The following THSD4 variants were observed in gnomAD, a reference collection of about 807,000 sequenced individuals.
The protein encoded by THSD4 is thrombospondin type-1 domain-containing protein 4.
In THSD4, 69 loss-of-function variants were observed where a neutral mutation model predicts 119.0. The observed-to-expected ratio is 0.58, with a 90% CI of 0.48 to 0.71. The LOEUF is 0.71. Ranked by LOEUF, THSD4 falls within the 30% of genes least tolerant of loss-of-function variation. The pLI is 0.00. For missense variants in THSD4, 1,393 were observed against 1,391.1 expected, an observed-to-expected ratio of 1.00 and a Z score of -0.02; for synonymous variants, 524 against 540.4, an observed-to-expected ratio of 0.97 and a Z score of 0.42.
chr15:71,421,041 A>G lies in THSD4; in HGVS notation c.1152+9218A>G, dbSNP rs576685523. Among the ~76,000 whole-genome samples the G allele has an allele frequency of 8.0e-5, 8 of 99,418 alleles. 2 individuals carry two copies. The highest frequency in any genetic ancestry group is 2.8e-4 in the African/African-American group (8 of 29,046). The allele number at this position is 99,418 out of a possible 152,430, so 65.2% of individuals were successfully genotyped here. Reference sequence around the variant, plus strand: ...AAATTACTTGGTTGTGGTGACATGCACCTATAATTCTAGCTACTCAGGCAT... The same window carrying G: ...AAATTACTTGGTTGTGGTGACATGCGCCTATAATTCTAGCTACTCAGGCAT... On this transcript the variant is annotated intron_variant, in intron 7 of 17. Transcript: ENST00000261862.
intron 4 of THSD4, among the ~76,000 whole-genome samples, chr15:71,227,861 C>T (rs983149671): frequency 6.6e-6 from 1 of 152,206 alleles, no homozygotes; most frequent in Admixed American, 6.5e-5. Flanking sequence ...ATAAAGTGCT[C>T]ACATCCCTCA....
At position 71,467,890 on chromosome 15, in the gene THSD4, C is replaced by T. The variant is rs576263543; in HGVS notation, c.1152+56067C>T. Among the ~76,000 whole-genome samples the T allele has an allele frequency of 3.0e-4, 45 of 150,286 alleles. 1 individual carries two copies. Among genetic ancestry groups the T allele is most frequent in the African/African-American group, 9.3e-4 (38 of 40,854 alleles). ...TTGAGACGGAGTTTTGCTCTTGTCG[C>T]CCAGCTGCAGTGCAGTGGCATGATC... is the stretch of plus-strand genomic sequence containing the variant. On this transcript the variant is annotated intron_variant, in intron 7 of 17. Coordinates refer to ENST00000261862, the MANE Select transcript of THSD4 (RefSeq NM_024817.3).
intron 6 of THSD4, among the ~76,000 whole-genome samples, chr15:71,328,338 G>A (rs556231325): frequency 6.6e-6 from 1 of 152,312 alleles, no homozygotes; most frequent in South Asian, 2.1e-4. Context: ...GCATAGCTTG[G>A]TGGGTGAAGA....
chr15:71,324,676 A>G (rs536649192), intron 6 of THSD4, among the ~76,000 whole-genome samples: 1 of 152,302 alleles, frequency 6.6e-6, no homozygotes, highest in Non-Finnish European at 1.5e-5. Flanking sequence ...TCCGTGGTGT[A>G]TATATACCAC....
intron 7 of THSD4, among the ~76,000 whole-genome samples, chr15:71,500,152 C>G (rs1326815908): frequency 6.6e-6 from 1 of 152,006 alleles, no homozygotes; most frequent in Non-Finnish European, 1.5e-5. Flanking sequence ...TTGTTATTAT[C>G]TATTTTTTTT....
chr15:71,344,294 C>A (rs956967384), intron 6 of THSD4, among the ~76,000 whole-genome samples: 1 of 151,842 alleles, frequency 6.6e-6, no homozygotes, highest in African/African-American at 2.4e-5. Flanking sequence ...CCACCCGCCT[C>A]GGCCCCCCAA....
chr15:71,363,439 G>C (rs565280245), intron 6 of THSD4, among the ~76,000 whole-genome samples: 9 of 152,130 alleles, frequency 5.9e-5, no homozygotes, highest in Non-Finnish European at 1.0e-4. Flanking sequence ...GTGTGTACGC[G>C]TGTGTGTGTT....
At chr15:71,101,089 T>C (rs1381568444) in intron 1 of THSD4, among the ~76,000 whole-genome samples, 2 of 152,144 alleles carry the variant, frequency 1.3e-5, no homozygotes, top group Non-Finnish European at 2.9e-5. Flanking sequence ...TTTATGTTTG[T>C]TTCTTCTGAT....
At chr15:71,714,933 A>G (rs765376279) in intron 8 of THSD4, among the ~76,000 whole-genome samples, 5 of 152,216 alleles carry the variant, frequency 3.3e-5, no homozygotes, top group Non-Finnish European at 2.9e-5. Context: ...TTAAATTGTT[A>G]CTGTGACAGA....
At chr15:71,230,702 G>C (rs766891201) in intron 4 of THSD4, among the ~76,000 whole-genome samples, 6 of 152,212 alleles carry the variant, frequency 3.9e-5, no homozygotes, top group Non-Finnish European at 5.9e-5. Flanking sequence ...CTCTGTCCCT[G>C]TTGGTCTCTT....
chr15:71,422,583 G>A (rs1440100222), intron 7 of THSD4, among the ~76,000 whole-genome samples: 1 of 152,160 alleles, frequency 6.6e-6, no homozygotes, highest in Non-Finnish European at 1.5e-5. Context: ...ATCAGGGAAG[G>A]GGTGACATGA....
At chr15:71,550,387 T>C (rs958975339) in intron 7 of THSD4, among the ~76,000 whole-genome samples, 2 of 152,198 alleles carry the variant, frequency 1.3e-5, no homozygotes, top group Non-Finnish European at 2.9e-5. Flanking sequence ...CTACATTCCA[T>C]ATTTGGAATA....
At chr15:71,296,234 T>G (rs576986046) in intron 6 of THSD4, among the ~76,000 whole-genome samples, 3 of 152,224 alleles carry the variant, frequency 2.0e-5, no homozygotes, top group Non-Finnish European at 4.4e-5. Flanking sequence ...ATAGCCAAAC[T>G]GTTTCCCAAA....
At chr15:71,111,409 G>T (rs1191959361), upstream of THSD4, 1 of 1,609,610 alleles carries the variant, frequency 6.2e-7, no homozygotes, top group Non-Finnish European at 8.5e-7. Context: ...CAGACTGTAG[G>T]TCAGCATTCC....
chr15:71,420,879 G>A (rs2046797714), intron 7 of THSD4, among the ~76,000 whole-genome samples: 1 of 105,254 alleles, frequency 9.5e-6, no homozygotes, highest in Admixed American at 1.2e-4. Context: ...TCATCTTTTA[G>A]TCTTTCTACT....
chr15:71,320,037 A>G (rs2045246244), intron 6 of THSD4, among the ~76,000 whole-genome samples: 1 of 152,176 alleles, frequency 6.6e-6, no homozygotes, highest in African/African-American at 2.4e-5. Context: ...TCTTGGCACT[A>G]ACATTCTTGA....
chr15:71,569,262 A>C (rs1026907527), intron 7 of THSD4, among the ~76,000 whole-genome samples: 1 of 152,154 alleles, frequency 6.6e-6, no homozygotes, highest in African/African-American at 2.4e-5. Flanking sequence ...TTCATGTTTC[A>C]AGGGAAATGT....
At chr15:71,754,783 A>G (rs1485042533) in intron 14 of THSD4, among the ~76,000 whole-genome samples, 1 of 151,858 alleles carries the variant, frequency 6.6e-6, no homozygotes. Flanking sequence ...TTGTAGTGGC[A>G]TGGGGGGCTT....
intron 6 of THSD4, among the ~76,000 whole-genome samples, chr15:71,277,762 T>G (rs114616131): frequency 0.013 from 1,962 of 152,264 alleles, 44 homozygotes; most frequent in African/African-American, 0.044. Flanking sequence ...CTGTCACTGC[T>G]CTATTGGAAT....
Sources: allele counts gnomAD v4.1 joint callset (sites outside exome capture counted in the v4.1 genomes callset), GRCh38; gene constraint gnomAD v4.1.1; transcripts MANE v1.5; gene names NCBI Gene and HGNC (gene_info 2026-07-23, HGNC 2026-07-21).